The following XPO1 variants were observed in gnomAD, a reference collection of about 807,000 sequenced individuals.
XPO1 encodes the protein exportin-1.
XPO1 carries 5 observed loss-of-function variants against 133.3 expected under a neutral mutation model. The ratio of observed to expected loss-of-function variants is 0.04; its 90% CI spans 0.02 to 0.08. XPO1 has a LOEUF of 0.08. Ranked by LOEUF, XPO1 falls within the 10% of genes least tolerant of loss-of-function variation. The pLI, the probability that XPO1 is intolerant of heterozygous loss-of-function variation, is 1.00. For synonymous variants in XPO1, 419 were observed against 408.2 expected, an observed-to-expected ratio of 1.03 and a Z score of -0.32; for missense variants, 506 against 1,267.5, an observed-to-expected ratio of 0.40 and a Z score of 9.12.
rs150009195 is a variant in XPO1, at chr2:61,492,338, G to A, written c.1710C>T (p.Phe570=). 104 of 1,594,548 alleles carry A rather than the reference G, an allele frequency of 6.5e-5. No homozygotes were observed. In the African/African-American group the frequency reaches 1.1e-3, roughly 17 times the overall value. ...KFLKTVVNKL[F]EFMHETHDGV... ...AAAGAGATTTACCATGCATGAATTC[G>A]AACAGCTTGTTAACTACAGTCTTCA... The change falls in exon 15 of 25, where the codon TTC becomes TTT. Residue 570 remains phenylalanine, a synonymous_variant. Transcript: ENST00000401558. This position sits in a 1 kb window ranked among gnomAD's most constrained non-coding sequence, Gnocchi z 5.6.
intron 23 of XPO1, 49 bp from the exon 24 acceptor site, chr2:61,481,330 G>C (rs751852811): frequency 6.9e-7 from 1 of 1,446,908 alleles, no homozygotes; most frequent in Non-Finnish European, 9.5e-7. Context: ...TTTCCCCCGA[G>C]ACAGAGTATT....
chr2:61,486,524 T>C (rs1696703928), intron 19 of XPO1, among the ~76,000 whole-genome samples: 1 of 152,150 alleles, frequency 6.6e-6, no homozygotes, highest in African/African-American at 2.4e-5. Flanking sequence ...TGGTGCCATC[T>C]TGGCTCACTG....
intron 6 of XPO1, among the ~76,000 whole-genome samples, chr2:61,500,271 G>A (rs1464608439): frequency 1.3e-5 from 2 of 151,606 alleles, no homozygotes; most frequent in Non-Finnish European, 2.9e-5. Flanking sequence ...GATCACTTGA[G>A]GCCAGGAGTC....
intron 17 of XPO1, among the ~76,000 whole-genome samples, chr2:61,489,909 T>TTG (rs1696889034): frequency 2.0e-5 from 3 of 149,248 alleles, no homozygotes; most frequent in African/African-American, 7.4e-5. Flanking sequence ...TTTTTTTTTT[T>TTG]GAGACAGAGT....
chr2:61,521,787 C>T (rs191282328), intron 4 of XPO1, among the ~76,000 whole-genome samples: 98 of 152,024 alleles, frequency 6.4e-4, no homozygotes, highest in East Asian at 1.2e-3. Flanking sequence ...GACGGAGTTT[C>T]GCTCGTTGCC....
intron 21 of XPO1, 50 bp downstream of exon 21, chr2:61,483,887 T>A: frequency 6.3e-7 from 1 of 1,577,490 alleles, no homozygotes; most frequent in Non-Finnish European, 8.7e-7. Context: ...TAACTATATT[T>A]GTATTTTTGG....
At chr2:61,511,867 C>G (rs1698114571) in intron 4 of XPO1, among the ~76,000 whole-genome samples, 1 of 152,082 alleles carries the variant, frequency 6.6e-6, no homozygotes, top group Admixed American at 6.6e-5. Flanking sequence ...CAAGCAACTC[C>G]CCTGCTGCAA....
chr2:61,528,958 A>AAT (rs979950507), intron 2 of XPO1, among the ~76,000 whole-genome samples: 1 of 151,970 alleles, frequency 6.6e-6, no homozygotes, highest in African/African-American at 2.4e-5. Flanking sequence ...TTGTAAGCAA[A>AAT]AAGTTTGGAC....
rs749168830 is a variant in XPO1 at position 61,482,333 on chromosome 2, C to G, written c.2972+47G>C. On this transcript the variant is annotated intron_variant, in intron 23 of 24. Coordinates refer to ENST00000401558, the MANE Select transcript of XPO1 (RefSeq NM_003400.4). ...GTGCTGGGATTACAGGTGTGAGCCA[C>G]TGTGCCCGACCAGGAACATTCTACG... is the stretch of plus-strand genomic sequence containing the variant. 6.5e-6 allele frequency: 10 copies of G among 1,526,940 alleles called. No individual in the cohort carries two copies. The South Asian group carries it at 1.3e-4, about 20-fold the overall frequency. 94.6% of individuals were successfully genotyped at this position (1,526,940 alleles called of 1,614,324 possible). A position where few individuals can be genotyped will look rare whatever the true frequency, so the allele number is the denominator to read the frequency against.
At position 61,537,552 on chromosome 2, in the gene XPO1, G is replaced by A. The variant is rs954697862; in HGVS notation, c.-7+10C>T. 3 of 150,750 alleles carry A rather than the reference G, an allele frequency of 2.0e-5. No homozygotes were observed. Among genetic ancestry groups the A allele is most frequent in the Admixed American group, 6.6e-5 (1 of 15,094 alleles). 9.3% of individuals were successfully genotyped at this position (150,750 alleles called of 1,614,324 possible). On this transcript the variant is annotated intron_variant, in intron 1 of 24. Coordinates refer to ENST00000401558, the MANE Select transcript of XPO1 (RefSeq NM_003400.4). ...CCCGACCCTCGGCCCCGAAGACACA[G>A]TCGACTTACCCAGAGATTGAACCAA...
chr2:61,502,590 T>TA (rs1399159177), intron 4 of XPO1: 1 of 257,012 alleles, frequency 3.9e-6, no homozygotes, highest in Non-Finnish European at 7.5e-6. Flanking sequence ...CTGTCTCTAC[T>TA]AAAAATACAA....
chr2:61,478,769 TTTTCCTCTGCTAACGAGTTG>T lies in XPO1; in HGVS notation c.*31_*50del. On this transcript the variant is annotated 3_prime_UTR_variant, in exon 25 of 25. Coordinates refer to ENST00000401558, the MANE Select transcript of XPO1 (RefSeq NM_003400.4). ...TTGGTCGACAAATACCCACATGCTG[TTTTCCTCTGCTAACGAGTTG>T]CAGAGAAAAAAAACAGCATGAATTT... 1 of 1,591,872 alleles carries T rather than the reference TTTTCCTCTGCTAACGAGTTG, an allele frequency of 6.3e-7. No homozygotes were observed. The highest frequency in any genetic ancestry group is 8.6e-7 in the Non-Finnish European group (1 of 1,168,180).
rs367565303 is a variant in XPO1 at position 61,538,077 on chromosome 2, C to T, written c.-522G>A. ...CCCAAGGCTCGCCTAAACTTTCCCC[C>T]CTTCTCTTGTTCCTCAGCGACTGGT... On this transcript the variant is annotated 5_prime_UTR_variant, in exon 1 of 25. Coordinates refer to ENST00000401558, the MANE Select transcript of XPO1 (RefSeq NM_003400.4). 2.8e-5 allele frequency: 4 copies of T among 143,892 alleles called. No individual in the cohort carries two copies. The South Asian group carries it at 9.6e-4, about 34-fold the overall frequency. 8.9% of individuals were successfully genotyped at this position (143,892 alleles called of 1,614,324 possible).
At chr2:61,533,519 A>C (rs1423228899) in intron 2 of XPO1, among the ~76,000 whole-genome samples, 1 of 152,238 alleles carries the variant, frequency 6.6e-6, no homozygotes, top group Non-Finnish European at 1.5e-5. Flanking sequence ...AACCTTTAAT[A>C]CCTACAAAGT....
rs960367823 is a variant in XPO1 at position 61,482,864 on chromosome 2, C to A, written c.2812+93G>T. 24 of 1,494,368 alleles carry A rather than the reference C, an allele frequency of 1.6e-5. No homozygotes were observed. The Admixed American group carries it at 5.0e-4, about 31-fold the overall frequency. 92.6% of individuals were successfully genotyped at this position (1,494,368 alleles called of 1,614,324 possible). A position where few individuals can be genotyped will look rare whatever the true frequency, so the allele number is the denominator to read the frequency against. On this transcript the variant is annotated intron_variant, in intron 22 of 24. Transcript: ENST00000401558. ...GTTCTCGAACTCCTGACCTCATAAT[C>A]TCCCCGCCTCGACCTCCCAAAGTGC...
chr2:61,534,017 TAG>T (rs1699264890), intron 1 of XPO1, 114 bp from the exon 2 acceptor site: 2 of 1,075,444 alleles, frequency 1.9e-6, no homozygotes, highest in East Asian at 3.1e-5. Flanking sequence ...ATGAATACTT[TAG>T]AGACTTTAAT....
At chr2:61,513,074 T>C (rs1167697915) in intron 4 of XPO1, among the ~76,000 whole-genome samples, 2 of 152,136 alleles carry the variant, frequency 1.3e-5, no homozygotes, top group East Asian at 1.9e-4. Flanking sequence ...ATGATGCTTT[T>C]TTCAGACAGG....
At chr2:61,511,798 G>A (rs545977545) in intron 4 of XPO1, among the ~76,000 whole-genome samples, 3 of 151,162 alleles carry the variant, frequency 2.0e-5, no homozygotes, top group South Asian at 4.2e-4. Context: ...TTGCTCTGTC[G>A]CCCAGGCTGG....
rs368197340 is a variant in XPO1, at chr2:61,531,909, G to C, written c.126+1863C>G. On this transcript the variant is annotated intron_variant, in intron 2 of 24. Coordinates refer to ENST00000401558, the MANE Select transcript of XPO1 (RefSeq NM_003400.4). ...ATAAACCTGGGCTAACAAGCTTACAGAATCACTGCAAGAGTAATTTTTTCT... is the reference window on the plus strand; with the variant it reads ...ATAAACCTGGGCTAACAAGCTTACACAATCACTGCAAGAGTAATTTTTTCT... 8.5e-5 allele frequency among the ~76,000 whole-genome samples: 13 copies of C among 152,268 alleles called. No homozygotes were observed. In the South Asian group the frequency reaches 2.7e-3, roughly 32 times the overall value.
Sources: allele counts gnomAD v4.1 joint callset (sites outside exome capture counted in the v4.1 genomes callset), GRCh38; gene constraint gnomAD v4.1.1; non-coding constraint Gnocchi (gnomAD v3.1); transcripts MANE v1.5; gene names NCBI Gene and HGNC (gene_info 2026-07-23, HGNC 2026-07-21).